The following CDIP1 variants were observed in gnomAD, a reference collection of about 807,000 sequenced individuals.
The protein encoded by CDIP1 is cell death inducing p53 target 1, also known as cell death-inducing p53-target protein 1.
CDIP1 carries 9 observed loss-of-function variants against 17.7 expected under a neutral mutation model. The observed-to-expected ratio is 0.51, with a 90% CI of 0.31 to 0.89. The LOEUF is 0.89. Among genes scored for constraint, CDIP1 ranks in the 40% least tolerant of loss-of-function variants. The probability of loss-of-function intolerance (pLI) is 0.05; values close to 1 mark genes in which losing one functional copy is unlikely to be tolerated. For synonymous variants in CDIP1, 117 were observed against 109.5 expected (o/e 1.07, Z -0.43); for missense variants, 263 against 277.9 (o/e 0.95, Z 0.38).
intron 1 of CDIP1, among the ~76,000 whole-genome samples, chr16:4,517,538 G>A (rs896738879): frequency 2.6e-5 from 4 of 152,050 alleles, no homozygotes; most frequent in African/African-American, 7.2e-5. Context: ...CCAGGGGTTC[G>A]AAACCAGCAT....
At chr16:4,529,066 C>G (rs149936471) in intron 1 of CDIP1, among the ~76,000 whole-genome samples, 1,741 of 152,280 alleles carry the variant, frequency 0.011, 37 homozygotes, top group African/African-American at 0.04. Flanking sequence ...ATTTCACCTA[C>G]AGGAGAAAAT....
intron 1 of CDIP1, among the ~76,000 whole-genome samples, chr16:4,516,006 C>T (rs992804696): frequency 2.0e-5 from 3 of 152,056 alleles, no homozygotes; most frequent in African/African-American, 7.2e-5. Flanking sequence ...ATCATAATAG[C>T]CAAAAAGTGG....
At chr16:4,515,881 A>G (rs1205016327) in intron 1 of CDIP1, among the ~76,000 whole-genome samples, 1 of 152,178 alleles carries the variant, frequency 6.6e-6, no homozygotes, top group Non-Finnish European at 1.5e-5. Context: ...GTTCCTCAAA[A>G]GGTTAAACCT....
chr16:4,514,016 T>TA lies in CDIP1; in HGVS notation c.85+29dup. The TA allele has an allele frequency of 7.1e-7, 1 of 1,404,782 alleles. No homozygotes were observed. Among genetic ancestry groups the TA allele is most frequent in the South Asian group, 1.4e-5 (1 of 72,296 alleles). The allele number at this position is 1,404,782 out of a possible 1,614,324, so 87.0% of individuals were successfully genotyped here. A position where few individuals can be genotyped will look rare whatever the true frequency, so the allele number is the denominator to read the frequency against. ...ATGCCATGGCGGCAGGGGGCTGCAA[T>TA]ATGGAGCCTCAGGAACAGTGACCCC... On this transcript the variant is annotated intron_variant, in intron 3 of 5. Coordinates refer to ENST00000567695, the MANE Select transcript of CDIP1 (RefSeq NM_013399.3). The surrounding 1 kb of genome is among the most constrained non-coding windows in gnomAD (Gnocchi z 5.2).
In CDIP1 at chr16:4,512,444, C is replaced by G. The variant is rs761089593; in HGVS notation, c.*128G>C. 2 of 712,612 alleles carry G rather than the reference C, an allele frequency of 2.8e-6. No individual in the cohort carries two copies. The highest frequency in any genetic ancestry group is 5.0e-6 in the Non-Finnish European group (2 of 396,164). 44.1% of individuals were successfully genotyped at this position (712,612 alleles called of 1,614,324 possible). A position where few individuals can be genotyped will look rare whatever the true frequency, so the allele number is the denominator to read the frequency against. Reference sequence around the variant, plus strand: ...CTCAGGTAGGGCAGGGTGAAGAGGACAGGACTTCTAGGGGATGGTGGCACG... The same window carrying G: ...CTCAGGTAGGGCAGGGTGAAGAGGAGAGGACTTCTAGGGGATGGTGGCACG... On this transcript the variant is annotated 3_prime_UTR_variant, in exon 6 of 6. Coordinates refer to ENST00000567695, the MANE Select transcript of CDIP1 (RefSeq NM_013399.3). This position sits in a 1 kb window ranked among gnomAD's most constrained non-coding sequence, Gnocchi z 4.6.
At position 4,514,004 on chromosome 16, in the gene CDIP1, AG is replaced by A; in HGVS notation, c.85+41del. ...AGAGTCCCAACCATGCCATGGCGGC[AG>A]GGGGCTGCAATATGGAGCCTCAGGA... On this transcript the variant is annotated intron_variant, in intron 3 of 5. Transcript: ENST00000567695. This position sits in a 1 kb window ranked among gnomAD's most constrained non-coding sequence, Gnocchi z 5.2. The A allele has an allele frequency of 7.3e-7, 1 of 1,364,480 alleles. No individual in the cohort carries two copies. The highest frequency in any genetic ancestry group is 9.9e-7 in the Non-Finnish European group (1 of 1,009,212). 84.5% of individuals were successfully genotyped at this position (1,364,480 alleles called of 1,614,324 possible).
At chr16:4,515,922 C>T (rs2058882325) in intron 1 of CDIP1, among the ~76,000 whole-genome samples, 2 of 152,168 alleles carry the variant, frequency 1.3e-5, no homozygotes, top group African/African-American at 2.4e-5. Context: ...CAATTCCACC[C>T]CTAGTTATCT....
At chr16:4,528,483 T>A (rs200965512) in intron 1 of CDIP1, among the ~76,000 whole-genome samples, 1 of 152,112 alleles carries the variant, frequency 6.6e-6, no homozygotes, top group East Asian at 1.9e-4. Context: ...TTCTAGTTTT[T>A]TAATGGTAGG....
intron 1 of CDIP1, among the ~76,000 whole-genome samples, chr16:4,517,755 A>C (rs990319558): frequency 9.2e-5 from 14 of 151,740 alleles, no homozygotes; most frequent in Admixed American, 5.3e-4. Context: ...AACAAAAAAA[A>C]AAAAAACAGA....
rs747373825 is a variant in CDIP1 at position 4,512,528 on chromosome 16, G to C, written c.*44C>G. ...CACTGAGCACAGGGAGCAAAGCACA[G>C]GGGGCCAGACTGACAGGCGGGGGAG... is the stretch of plus-strand genomic sequence containing the variant. On this transcript the variant is annotated 3_prime_UTR_variant, in exon 6 of 6. Transcript: ENST00000567695. The surrounding 1 kb of genome is among the most constrained non-coding windows in gnomAD (Gnocchi z 4.6). The C allele has an allele frequency of 2.5e-4, 350 of 1,418,248 alleles. 1 individual carries two copies. The highest frequency in any genetic ancestry group is 3.1e-4 in the Non-Finnish European group (313 of 1,002,368). 87.9% of individuals were successfully genotyped at this position (1,418,248 alleles called of 1,614,324 possible).
chr16:4,520,526 T>G (rs1001007557), intron 1 of CDIP1, among the ~76,000 whole-genome samples: 3 of 152,208 alleles, frequency 2.0e-5, no homozygotes, highest in Non-Finnish European at 4.4e-5. Context: ...GTCTTTTACA[T>G]AGACATGATT....
In CDIP1 at chr16:4,538,245, G is replaced by A. The variant is rs569744235; in HGVS notation, c.-105+457C>T. ...ACCGCAGCGGCTTCGACATCCCCAG[G>A]GCCGCGCTAGGTCTCGGCAGCGCCC... On this transcript the variant is annotated intron_variant, in intron 1 of 5. Coordinates refer to ENST00000567695, the MANE Select transcript of CDIP1 (RefSeq NM_013399.3). The A allele has an allele frequency of 1.4e-4, 22 of 152,284 alleles. No individual in the cohort carries two copies. The East Asian group carries it at 3.7e-3, about 25-fold the overall frequency. 9.4% of individuals were successfully genotyped at this position (152,284 alleles called of 1,614,324 possible). A position where few individuals can be genotyped will look rare whatever the true frequency, so the allele number is the denominator to read the frequency against.
Position 4,512,805 on chromosome 16 carries a change from G to T in CDIP1, c.501C>A (p.Phe167Leu). ...IGLMNFVLGFFCCFMGCDLGC... is the reference protein window; with the variant it reads ...IGLMNFVLGFLCCFMGCDLGC... ...ACACCACCTACCCCATGAAGCAACA[G>T]AAGAAACCCAGCACGAAATTCATCA... The change falls in exon 5 of 6, where the codon TTC (phenylalanine) becomes TTA (leucine). Residue 167 changes from phenylalanine (F) to leucine (L), a missense_variant. Physicochemically the swap from Phe to Leu is conservative, Grantham distance 22 (BLOSUM62 0). Coordinates refer to ENST00000567695, the MANE Select transcript of CDIP1 (RefSeq NM_013399.3). The surrounding 1 kb of genome is among the most constrained non-coding windows in gnomAD (Gnocchi z 4.6). 1 of 1,574,748 alleles carries T rather than the reference G, an allele frequency of 6.4e-7. No homozygotes were observed. The highest frequency in any genetic ancestry group is 8.6e-7 in the Non-Finnish European group (1 of 1,159,740).
intron 1 of CDIP1, chr16:4,533,655 T>G (rs2059077309): frequency 6.6e-6 from 1 of 152,060 alleles, no homozygotes; most frequent in African/African-American, 2.4e-5. Flanking sequence ...ATATCCCAGA[T>G]CTACCACCGG....
chr16:4,531,692 C>G (rs2059058156), intron 1 of CDIP1, among the ~76,000 whole-genome samples: 1 of 152,232 alleles, frequency 6.6e-6, no homozygotes, highest in Admixed American at 6.5e-5. Context: ...AGAGCCAAGA[C>G]AGGACCTCAG....
intron 1 of CDIP1, among the ~76,000 whole-genome samples, chr16:4,517,110 G>C (rs990927391): frequency 3.9e-5 from 6 of 152,196 alleles, no homozygotes; most frequent in African/African-American, 1.4e-4. Flanking sequence ...CCTTTTGTTA[G>C]ATTATCTCCT....
Position 4,512,435 on chromosome 16 carries a change from T to C in CDIP1, c.*137A>G. On this transcript the variant is annotated 3_prime_UTR_variant, in exon 6 of 6. Transcript: ENST00000567695. This position sits in a 1 kb window ranked among gnomAD's most constrained non-coding sequence, Gnocchi z 4.6. ...AGTCAGCGGCTCAGGTAGGGCAGGG[T>C]GAAGAGGACAGGACTTCTAGGGGAT... The C allele has an allele frequency of 1.5e-6, 1 of 675,114 alleles. No individual in the cohort carries two copies. 41.8% of individuals were successfully genotyped at this position (675,114 alleles called of 1,614,324 possible). A position where few individuals can be genotyped will look rare whatever the true frequency, so the allele number is the denominator to read the frequency against.
chr16:4,511,471 C>G lies in CDIP1; in HGVS notation c.*1101G>C, dbSNP rs560071194. ...GGTCCAGGTGAGCAAGTTCACAAAC[C>G]ATTCAGGAAATAAAGACAGGGCGAG... is the stretch of plus-strand genomic sequence containing the variant. On this transcript the variant is annotated 3_prime_UTR_variant, in exon 6 of 6. Coordinates refer to ENST00000567695, the MANE Select transcript of CDIP1 (RefSeq NM_013399.3). The G allele has an allele frequency of 2.0e-5, 3 of 152,774 alleles. No individual in the cohort carries two copies. The highest frequency in any genetic ancestry group is 6.5e-5 in the Admixed American group (1 of 15,302). The allele number at this position is 152,774 out of a possible 1,614,324, so 9.5% of individuals were successfully genotyped here. A position where few individuals can be genotyped will look rare whatever the true frequency, so the allele number is the denominator to read the frequency against.
intron 1 of CDIP1, among the ~76,000 whole-genome samples, chr16:4,522,242 C>G (rs997209122): frequency 4.6e-5 from 7 of 152,246 alleles, no homozygotes; most frequent in African/African-American, 1.7e-4. Context: ...GGCCATCTCT[C>G]CTGGTGGGCT....
Sources: allele counts gnomAD v4.1 joint callset (sites outside exome capture counted in the v4.1 genomes callset), GRCh38; gene constraint gnomAD v4.1.1; non-coding constraint Gnocchi (gnomAD v3.1); transcripts MANE v1.5; gene names NCBI Gene and HGNC (gene_info 2026-07-23, HGNC 2026-07-21).